DDC: variants seen among roughly 807,000 people sequenced by gnomAD.
DDC encodes aromatic-L-amino-acid decarboxylase.
In DDC, 43 loss-of-function variants were observed where a neutral mutation model predicts 60.0. That is an observed-to-expected ratio of 0.72 (90% CI 0.56 to 0.92). The LOEUF (loss-of-function observed/expected upper bound fraction) is 0.92, where lower values mean the gene tolerates loss of function less well. Ranked by LOEUF, DDC falls within the 40% of genes least tolerant of loss-of-function variation. The probability of loss-of-function intolerance (pLI) is 0.00; values close to 1 mark genes in which losing one functional copy is unlikely to be tolerated. For synonymous variants in DDC, 232 were observed against 234.6 expected (o/e 0.99, Z 0.10); for missense variants, 573 against 620.2 (o/e 0.92, Z 0.81).
chr7:50,544,096 C>T lies in DDC; in HGVS notation c.-11G>A. 6.2e-7 allele frequency: 1 copy of T among 1,613,780 alleles called. No homozygotes were observed. Among genetic ancestry groups the T allele is most frequent in the Non-Finnish European group, 8.5e-7 (1 of 1,179,706 alleles). ...TTCACTTGCGTTCATGGTGTCTGGG[C>T]TCTGTCAGAGGTGAAAACTGCAGAA... is the stretch of plus-strand genomic sequence containing the variant. On this transcript the variant is annotated 5_prime_UTR_variant, in exon 2 of 15. Transcript: ENST00000444124.
At chr7:50,468,755 C>G (rs1362606485) in intron 12 of DDC, among the ~76,000 whole-genome samples, 2 of 152,094 alleles carry the variant, frequency 1.3e-5, no homozygotes, top group East Asian at 3.9e-4. Context: ...GGCTGAATAT[C>G]ATAAGTGTGC....
chr7:50,463,895 C>T (rs2042339414), intron 13 of DDC, among the ~76,000 whole-genome samples: 1 of 152,134 alleles, frequency 6.6e-6, no homozygotes, highest in Non-Finnish European at 1.5e-5. Context: ...AACCACAGGA[C>T]CGAGCAACCA....
chr7:50,460,219 G>A lies in DDC; in HGVS notation c.*19-1376C>T, dbSNP rs543199573. On this transcript the variant is annotated intron_variant, in intron 14 of 14. Transcript: ENST00000444124. ...AGCCCCTGGCCCGGCCAGCCGCCCC[G>A]TCCGGGAGGGAGGTGGGGGGTCAGC... 9.2e-3 allele frequency among the ~76,000 whole-genome samples: 1,270 copies of A among 137,482 alleles called. 81 individuals carry two copies. Among genetic ancestry groups the A allele is most frequent in the African/African-American group, 0.035 (1,213 of 34,768 alleles). 90.2% of individuals were successfully genotyped at this position (137,482 alleles called of 152,430 possible).
At chr7:50,543,728 C>T (rs183803370) in intron 2 of DDC, among the ~76,000 whole-genome samples, 157 bp downstream of exon 2, 17 of 152,300 alleles carry the variant, frequency 1.1e-4, no homozygotes, top group African/African-American at 3.6e-4. Flanking sequence ...CTCTCTGAGC[C>T]TCAGTTTCCT....
intron 6 of DDC, among the ~76,000 whole-genome samples, chr7:50,507,793 G>A (rs1417592587): frequency 3.3e-5 from 5 of 152,176 alleles, no homozygotes; most frequent in Non-Finnish European, 7.3e-5. Flanking sequence ...GAGAATAGGG[G>A]TGATGTTCTT....
intron 10 of DDC, among the ~76,000 whole-genome samples, chr7:50,479,361 A>G (rs2042716482): frequency 6.6e-6 from 1 of 152,068 alleles, no homozygotes; most frequent in Non-Finnish European, 1.5e-5. Flanking sequence ...CTCTTCCCTC[A>G]CCAACCCTAC....
chr7:50,510,280 T>C (rs557184849), intron 6 of DDC, among the ~76,000 whole-genome samples: 1 of 151,840 alleles, frequency 6.6e-6, no homozygotes, highest in Non-Finnish European at 1.5e-5. Context: ...TGGCCACTTA[T>C]GTATCTTACT....
At chr7:50,483,477 G>A (rs1247071246) in intron 9 of DDC, among the ~76,000 whole-genome samples, 1 of 152,124 alleles carries the variant, frequency 6.6e-6, no homozygotes, top group Non-Finnish European at 1.5e-5. Flanking sequence ...TTCTCATCTG[G>A]TTTTAGAATC....
At position 50,463,262 on chromosome 7, in the gene DDC, G is replaced by T. The variant is rs752911552; in HGVS notation, c.1412C>A (p.Ala471Glu). ...CCTCTCTGCTCGCAGCACGTCGGCC[G>T]CCAGCTCTTTGATGTGTTCCCAGGC... is the stretch of plus-strand genomic sequence containing the variant. The part of the protein sequence containing the change: ...QRAWEHIKEL[A>E]ADVLRAERE Residue 471 changes from alanine (A) to glutamate (E), a missense_variant, in exon 14 of 15, where the codon GCG (alanine) becomes GAG (glutamate). Ala to Glu is a moderately radical substitution (Grantham distance 107, BLOSUM62 -1). Coordinates refer to ENST00000444124, the MANE Select transcript of DDC (RefSeq NM_001082971.2). 6.2e-7 allele frequency: 1 copy of T among 1,613,964 alleles called. No individual in the cohort carries two copies. Among genetic ancestry groups the T allele is most frequent in the Non-Finnish European group, 8.5e-7 (1 of 1,179,902 alleles).
At chr7:50,488,538 G>A (rs2042933027) in intron 9 of DDC, among the ~76,000 whole-genome samples, 1 of 152,032 alleles carries the variant, frequency 6.6e-6, no homozygotes, top group South Asian at 2.1e-4. Flanking sequence ...ATTTAAAAAA[G>A]AGGATGTTTG....
intron 11 of DDC, among the ~76,000 whole-genome samples, chr7:50,472,793 C>T (rs1214913550): frequency 6.6e-6 from 1 of 152,156 alleles, no homozygotes; most frequent in Non-Finnish European, 1.5e-5. Context: ...GTCCTCGTGC[C>T]CTCATCTACT....
At chr7:50,499,107 A>C (rs1387710843) in intron 8 of DDC, 41 bp downstream of exon 8, 3 of 1,428,930 alleles carry the variant, frequency 2.1e-6, no homozygotes, top group Non-Finnish European at 3.0e-6. Flanking sequence ...ATAACAGAGC[A>C]CTGTGAAAAC....
intron 1 of DDC, among the ~76,000 whole-genome samples, chr7:50,547,642 A>G (rs982588128): frequency 6.8e-6 from 1 of 146,898 alleles, no homozygotes; most frequent in African/African-American, 2.5e-5. Context: ...CACAGTGGGA[A>G]GCATTGGTGT....
At chr7:50,538,035 G>T (rs1209833886) in intron 3 of DDC, 56 bp from the exon 4 acceptor site, 2 of 1,610,422 alleles carry the variant, frequency 1.2e-6, no homozygotes, top group Non-Finnish European at 1.7e-6. Context: ...AGAATTTGGG[G>T]GTCAGCAGTA....
intron 6 of DDC, among the ~76,000 whole-genome samples, chr7:50,522,263 T>G (rs1450199732): frequency 6.6e-6 from 1 of 151,704 alleles, no homozygotes; most frequent in Non-Finnish European, 1.5e-5. Flanking sequence ...TGAAGAAAAT[T>G]TTTTAAAAGA....
chr7:50,475,316 G>T (rs1236258766), intron 11 of DDC, among the ~76,000 whole-genome samples: 5 of 152,208 alleles, frequency 3.3e-5, no homozygotes, highest in Non-Finnish European at 5.9e-5. Context: ...AGATAAGTCA[G>T]ATTGACAATG....
chr7:50,505,308 C>T (rs553194170), intron 6 of DDC, among the ~76,000 whole-genome samples: 2 of 152,328 alleles, frequency 1.3e-5, no homozygotes, highest in African/African-American at 2.4e-5. Context: ...AGGATCAAAA[C>T]GCACATTATG....
At chr7:50,475,255 G>A (rs941719028) in intron 11 of DDC, among the ~76,000 whole-genome samples, 1 of 152,154 alleles carries the variant, frequency 6.6e-6, no homozygotes, top group African/African-American at 2.4e-5. Flanking sequence ...TGGTCCTCAG[G>A]TTATTTTTAA....
chr7:50,523,266 T>TG (rs2043950205), intron 6 of DDC, among the ~76,000 whole-genome samples: 1 of 152,206 alleles, frequency 6.6e-6, no homozygotes, highest in Non-Finnish European at 1.5e-5. Flanking sequence ...GGATTGATGA[T>TG]GAATTTTTGG....
Sources: allele counts gnomAD v4.1 joint callset (sites outside exome capture counted in the v4.1 genomes callset), GRCh38; gene constraint gnomAD v4.1.1; transcripts MANE v1.5; gene names NCBI Gene and HGNC (gene_info 2026-07-23, HGNC 2026-07-21).